Variants in CALD1 observed in about 807,000 individuals in gnomAD.
CALD1 encodes caldesmon.
A neutral mutation model predicts 99.9 loss-of-function variants in CALD1; 33 were observed. That is an observed-to-expected ratio of 0.33 (90% CI 0.25 to 0.44). CALD1 has a LOEUF of 0.44. Among genes scored for constraint, CALD1 ranks in the 20% least tolerant of loss-of-function variants. The pLI, the probability that CALD1 is intolerant of heterozygous loss-of-function variation, is 1.00. For synonymous variants in CALD1, 310 were observed against 325.0 expected, an observed-to-expected ratio of 0.95 and a Z score of 0.50; for missense variants, 861 against 962.1, an observed-to-expected ratio of 0.89 and a Z score of 1.39.
intron 2 of CALD1, among the ~76,000 whole-genome samples, chr7:134,860,179 T>G (rs1177226430): frequency 1.3e-5 from 2 of 152,182 alleles, no homozygotes; most frequent in African/African-American, 4.8e-5. Flanking sequence ...ATGCATGTAT[T>G]TTTTTAAAGT....
chr7:134,951,762 T>G (rs1290494678), intron 9 of CALD1, among the ~76,000 whole-genome samples: 3 of 152,214 alleles, frequency 2.0e-5, no homozygotes, highest in Non-Finnish European at 4.4e-5. Flanking sequence ...CACAGTGGAC[T>G]CAAGAAAGTA....
chr7:134,927,056 A>G lies in CALD1; in HGVS notation c.72-1698A>G, dbSNP rs376937394. On this transcript the variant is annotated intron_variant, in intron 3 of 14. Coordinates refer to ENST00000361675, the MANE Select transcript of CALD1 (RefSeq NM_033138.4). ...CAATACAAAAAGCAGCTTCCTACAC[A>G]ATGCAGCCCCATACCCATACCCAAC... Among the ~76,000 whole-genome samples the G allele has an allele frequency of 1.3e-4, 20 of 152,238 alleles. No homozygotes were observed. The East Asian group carries it at 2.7e-3, about 21-fold the overall frequency.
chr7:134,893,824 A>AGAT (rs777911914), intron 3 of CALD1, among the ~76,000 whole-genome samples: 3 of 152,182 alleles, frequency 2.0e-5, no homozygotes, highest in Non-Finnish European at 4.4e-5. Context: ...TGTGCCTGGG[A>AGAT]GATAGGTCTA....
intron 1 of CALD1, among the ~76,000 whole-genome samples, chr7:134,790,845 A>C (rs955464536): frequency 3.9e-5 from 6 of 152,240 alleles, no homozygotes; most frequent in African/African-American, 1.2e-4. Context: ...TACTCGTACA[A>C]ATACTTCAAG....
chr7:134,786,509 T>TA (rs1237732204), intron 1 of CALD1, among the ~76,000 whole-genome samples: 1 of 152,178 alleles, frequency 6.6e-6, no homozygotes, highest in Non-Finnish European at 1.5e-5. Context: ...CCACACCAAG[T>TA]AAAATTATGT....
intron 1 of CALD1, among the ~76,000 whole-genome samples, chr7:134,797,605 T>C (rs992290480): frequency 1.3e-5 from 2 of 152,194 alleles, no homozygotes; most frequent in African/African-American, 4.8e-5. Context: ...GTTTATTTTT[T>C]ATTTTTGAGA....
the CALD1 span, among the ~76,000 whole-genome samples, chr7:134,718,276 GTC>G: frequency 6.6e-6 from 1 of 152,276 alleles, no homozygotes; most frequent in East Asian, 1.9e-4. Context: ...TAAGCTTGAT[GTC>G]ATAAGCACTT....
chr7:134,958,129 G>A lies in CALD1; in HGVS notation c.1979+17G>A, dbSNP rs1240889418. On this transcript the variant is annotated intron_variant, in intron 10 of 14. Coordinates refer to ENST00000361675, the MANE Select transcript of CALD1 (RefSeq NM_033138.4). ...GCAGAAAAGGTAAATATGCTTGATG[G>A]TTCAATTGAGCTAATCAGCTAGCAT... The A allele has an allele frequency of 2.5e-6, 4 of 1,608,700 alleles. No homozygotes were observed. Among genetic ancestry groups the A allele is most frequent in the Non-Finnish European group, 3.4e-6 (4 of 1,175,722 alleles).
At chr7:134,849,874 T>C (rs1800006570) in intron 2 of CALD1, among the ~76,000 whole-genome samples, 1 of 152,200 alleles carries the variant, frequency 6.6e-6, no homozygotes, top group African/African-American at 2.4e-5. Context: ...ACTATTGTAT[T>C]CTGGTTTTCC....
In CALD1 at chr7:134,798,192, A is replaced by T. The variant is rs543965462; in HGVS notation, c.-130+18443A>T. On this transcript the variant is annotated intron_variant, in intron 1 of 14. Transcript: ENST00000361675. ...AGCTATATAGTTGGAACTCTAATAC[A>T]TGAGTGAAAATGGTTTAAGCTAACT... Among the ~76,000 whole-genome samples, 32 of 152,364 alleles carry T rather than the reference A, an allele frequency of 2.1e-4. No homozygotes were observed. In the South Asian group the frequency reaches 6.2e-3, roughly 30 times the overall value.
At chr7:134,872,649 T>A (rs28461946) in intron 3 of CALD1, among the ~76,000 whole-genome samples, 45,474 of 152,002 alleles carry the variant, frequency 0.3, 7,692 homozygotes, top group African/African-American at 0.47. Flanking sequence ...ATTCTAAGGG[T>A]ATTAGTAACT....
In CALD1 at chr7:134,956,521, G is replaced by A. The variant is rs536017809; in HGVS notation, c.1936-1548G>A. 1.1e-3 allele frequency among the ~76,000 whole-genome samples: 173 copies of A among 152,314 alleles called. 1 individual carries two copies. The highest frequency in any genetic ancestry group is 4.0e-3 in the African/African-American group (166 of 41,562). ...TCTGCACTATATGAGGACACAGCAG[G>A]AAGGTGGCCATCTGCAAACCATGAA... On this transcript the variant is annotated intron_variant, in intron 9 of 14. Coordinates refer to ENST00000361675, the MANE Select transcript of CALD1 (RefSeq NM_033138.4).
intron 1 of CALD1, among the ~76,000 whole-genome samples, chr7:134,821,184 T>C (rs1248657900): frequency 6.6e-6 from 1 of 152,074 alleles, no homozygotes; most frequent in African/African-American, 2.4e-5. Flanking sequence ...AGAAAAAAAG[T>C]AAGTGTACAA....
At position 134,947,740 on chromosome 7, in the gene CALD1, G is replaced by A. The variant is rs1196115941; in HGVS notation, c.1765G>A (p.Glu589Lys). Residue 589 changes from glutamate (E) to lysine (K), a missense_variant, in exon 8 of 15, where the codon GAG (glutamate) becomes AAG (lysine). Coordinates refer to ENST00000361675, the MANE Select transcript of CALD1 (RefSeq NM_033138.4). ...GGAGGAAGAGCAGAGGAGGAAGCAG[G>A]AGGAAGCCGATCGAAAACTCAGAGA... ...LEEEEQRRKQ[E>K]EADRKLREEE... 6.2e-7 allele frequency: 1 copy of A among 1,614,022 alleles called. No individual in the cohort carries two copies. The highest frequency in any genetic ancestry group is 8.5e-7 in the Non-Finnish European group (1 of 1,179,976).
chr7:134,880,042 T>C (rs1242032140), intron 3 of CALD1, among the ~76,000 whole-genome samples: 1 of 152,212 alleles, frequency 6.6e-6, no homozygotes, highest in African/African-American at 2.4e-5. Flanking sequence ...TATTTTCCAT[T>C]GTGGGTGACA....
chr7:134,852,646 A>G (rs1270459063), intron 2 of CALD1, among the ~76,000 whole-genome samples: 2 of 152,196 alleles, frequency 1.3e-5, no homozygotes, highest in African/African-American at 4.8e-5. Flanking sequence ...TCCTGCCTCC[A>G]GTTTAAAGCA....
chr7:134,725,889 A>C, the CALD1 span, among the ~76,000 whole-genome samples: 1 of 152,230 alleles, frequency 6.6e-6, no homozygotes, highest in Admixed American at 6.5e-5. Flanking sequence ...TGGCCAAGGC[A>C]CTACCAGAAG....
the CALD1 span, among the ~76,000 whole-genome samples, chr7:134,712,037 A>AGGAG: frequency 3.3e-4 from 13 of 39,466 alleles, no homozygotes; most frequent in East Asian, 5.9e-3. Flanking sequence ...GAGGGAGGGA[A>AGGAG]GGAGGGAGAG....
intron 2 of CALD1, among the ~76,000 whole-genome samples, chr7:134,865,087 A>G (rs3800745): frequency 0.46 from 70,549 of 151,822 alleles, 17,110 homozygotes; most frequent in East Asian, 0.76. Context: ...TTCCTAACCA[A>G]TGTTGCTGAA....
Sources: allele counts gnomAD v4.1 joint callset (sites outside exome capture counted in the v4.1 genomes callset), GRCh38; gene constraint gnomAD v4.1.1; transcripts MANE v1.5; gene names NCBI Gene and HGNC (gene_info 2026-07-23, HGNC 2026-07-21).